MARCHF8: variants seen among roughly 807,000 people sequenced by gnomAD.
The protein encoded by MARCHF8 is membrane associated ring-CH-type finger 8, also known as E3 ubiquitin-protein ligase MARCHF8.
In MARCHF8, 40 loss-of-function variants were observed where a neutral mutation model predicts 51.6. The ratio of observed to expected loss-of-function variants is 0.77; its 90% CI spans 0.60 to 1.01. The LOEUF is 1.01. MARCHF8 is among the 50% of genes least tolerant of loss of function. MARCHF8 has a pLI of 0.00. For synonymous variants in MARCHF8, 263 were observed against 280.3 expected, an observed-to-expected ratio of 0.94 and a Z score of 0.62; for missense variants, 685 against 708.6, an observed-to-expected ratio of 0.97 and a Z score of 0.38.
intron 2 of MARCHF8, among the ~76,000 whole-genome samples, chr10:45,512,672 T>A (rs2043547601): frequency 6.7e-6 from 1 of 149,640 alleles, no homozygotes; most frequent in African/African-American, 2.5e-5. Flanking sequence ...CGGCCGTCCC[T>A]ACTGGGATGT....
intron 2 of MARCHF8, among the ~76,000 whole-genome samples, chr10:45,520,573 G>A (rs749848550): frequency 2.6e-5 from 4 of 152,204 alleles, no homozygotes; most frequent in Non-Finnish European, 4.4e-5. Context: ...TAAAACAGGT[G>A]ACAAGTACAA....
At chr10:45,544,096 T>A (rs960466009) in intron 1 of MARCHF8, among the ~76,000 whole-genome samples, 1 of 151,902 alleles carries the variant, frequency 6.6e-6, no homozygotes, top group African/African-American at 2.4e-5. Context: ...AATGAAGACA[T>A]ATGAATAGCT....
At chr10:45,554,674 C>T (rs1409331186) in intron 1 of MARCHF8, among the ~76,000 whole-genome samples, 3 of 152,156 alleles carry the variant, frequency 2.0e-5, no homozygotes, top group Admixed American at 1.3e-4. Flanking sequence ...AATCTTAGCT[C>T]TTTGGGAGAC....
At chr10:45,504,104 T>C (rs937149725) in intron 2 of MARCHF8, among the ~76,000 whole-genome samples, 3 of 152,158 alleles carry the variant, frequency 2.0e-5, no homozygotes, top group African/African-American at 7.2e-5. Flanking sequence ...TTGGGCACTT[T>C]AAAAGGGTGA....
intron 1 of MARCHF8, among the ~76,000 whole-genome samples, chr10:45,580,459 T>C (rs1196690494): frequency 6.6e-6 from 1 of 152,192 alleles, no homozygotes; most frequent in Non-Finnish European, 1.5e-5. Flanking sequence ...GCTTACATGA[T>C]GGTGCCTGTC....
rs1842583382 is a variant in MARCHF8 at position 45,455,792 on chromosome 10, A to T, written c.*2447T>A. 2 of 152,468 alleles carry T rather than the reference A, an allele frequency of 1.3e-5. No homozygotes were observed. Among genetic ancestry groups the T allele is most frequent in the Non-Finnish European group, 2.9e-5 (2 of 68,222 alleles). 9.4% of individuals were successfully genotyped at this position (152,468 alleles called of 1,614,324 possible). A position where few individuals can be genotyped will look rare whatever the true frequency, so the allele number is the denominator to read the frequency against. ...GCTCTGTGCCCCGCCAGGAGAGGAA[A>T]GAAGAATGTGTGTGGATTGTCCACA... On this transcript the variant is annotated 3_prime_UTR_variant, in exon 8 of 8. Coordinates refer to ENST00000453424, the MANE Select transcript of MARCHF8 (RefSeq NM_001282866.2).
intron 2 of MARCHF8, among the ~76,000 whole-genome samples, chr10:45,512,691 C>T (rs1834296351): frequency 1.3e-5 from 2 of 151,984 alleles, no homozygotes; most frequent in Non-Finnish European, 2.9e-5. Flanking sequence ...GTGAGGAGCC[C>T]CTCTGCCCGG....
chr10:45,538,799 G>A (rs1056500763), upstream of MARCHF8, among the ~76,000 whole-genome samples: 80 of 152,164 alleles, frequency 5.3e-4, no homozygotes, highest in Non-Finnish European at 9.8e-4. Context: ...CAATACAGGA[G>A]CACCCAGATT....
intron 2 of MARCHF8, among the ~76,000 whole-genome samples, chr10:45,528,846 A>T (rs2043833222): frequency 6.6e-6 from 1 of 152,234 alleles, no homozygotes. Flanking sequence ...CACATATGAC[A>T]CAAACATGAT....
Position 45,455,130 on chromosome 10 carries a change from C to T in MARCHF8, c.*3109G>A, listed in dbSNP as rs1935756659. 6.6e-6 allele frequency: 1 copy of T among 152,430 alleles called. No individual in the cohort carries two copies. The highest frequency in any genetic ancestry group is 3.4e-3 in the Middle Eastern group (1 of 294). 9.4% of individuals were successfully genotyped at this position (152,430 alleles called of 1,614,324 possible). On this transcript the variant is annotated 3_prime_UTR_variant, in exon 8 of 8. Coordinates refer to ENST00000453424, the MANE Select transcript of MARCHF8 (RefSeq NM_001282866.2). ...AGCCCCAGATCGTGCAGACATCACC[C>T]GAGGCTCCCAAACTGGCCCAGCTGC...
intron 1 of MARCHF8, among the ~76,000 whole-genome samples, chr10:45,563,240 T>A (rs977024566): frequency 6.6e-6 from 1 of 152,150 alleles, no homozygotes; most frequent in Non-Finnish European, 1.5e-5. Flanking sequence ...TTGTCCAGGC[T>A]GGTCTCAAGC....
chr10:45,525,882 A>C lies in MARCHF8; in HGVS notation c.102+7228T>G, dbSNP rs114166079. Among the ~76,000 whole-genome samples, 1,027 of 152,330 alleles carry C rather than the reference A, an allele frequency of 6.7e-3. 9 individuals are homozygous for C. The highest frequency in any genetic ancestry group is 0.024 in the African/African-American group (978 of 41,568). ...CTGTCAAGGTAATCTAAAACAAGGG[A>C]AGTCTGAGAAACTGTCATAGCCAAG... On this transcript the variant is annotated intron_variant, in intron 2 of 7. Coordinates refer to ENST00000453424, the MANE Select transcript of MARCHF8 (RefSeq NM_001282866.2).
chr10:45,523,630 GT>G (rs1486907079), intron 2 of MARCHF8, among the ~76,000 whole-genome samples: 1 of 152,174 alleles, frequency 6.6e-6, no homozygotes, highest in Non-Finnish European at 1.5e-5. Flanking sequence ...CCACCTAGTT[GT>G]CCAATTCACA....
At chr10:45,553,502 T>C (rs1274694223) in intron 1 of MARCHF8, among the ~76,000 whole-genome samples, 2 of 152,202 alleles carry the variant, frequency 1.3e-5, no homozygotes, top group African/African-American at 2.4e-5. Flanking sequence ...AGTTGTTTTA[T>C]TTAAAACTGA....
intron 2 of MARCHF8, among the ~76,000 whole-genome samples, chr10:45,509,601 A>G (rs927494341): frequency 5.9e-5 from 9 of 152,222 alleles, no homozygotes; most frequent in African/African-American, 2.2e-4. Context: ...ATTCAATCAA[A>G]TATGACTAAA....
At chr10:45,562,545 C>T (rs985332879) in intron 1 of MARCHF8, among the ~76,000 whole-genome samples, 74 of 152,138 alleles carry the variant, frequency 4.9e-4, no homozygotes, top group Non-Finnish European at 1.9e-4. Context: ...AACTATCCTT[C>T]AAGAACAAAG....
intron 2 of MARCHF8, among the ~76,000 whole-genome samples, chr10:45,508,674 G>A (rs149058888): frequency 1.3e-5 from 2 of 152,092 alleles, no homozygotes; most frequent in Middle Eastern, 3.4e-3. Flanking sequence ...CTTTTCACTT[G>A]ATATTCTGGA....
chr10:45,549,866 T>C (rs1164877678), intron 1 of MARCHF8, among the ~76,000 whole-genome samples: 1 of 152,294 alleles, frequency 6.6e-6, no homozygotes. Context: ...AAGAAAGCCC[T>C]CACCAGATGT....
chr10:45,479,839 G>A (rs1483078493), intron 3 of MARCHF8, among the ~76,000 whole-genome samples: 1 of 152,186 alleles, frequency 6.6e-6, no homozygotes, highest in Admixed American at 6.5e-5. Context: ...CCAGTAAGTG[G>A]GGTGCTGCTA....
Sources: gnomAD v4.1 joint callset for allele counts (sites outside exome capture counted in the v4.1 genomes callset) on GRCh38, gnomAD v4.1.1 for gene constraint, MANE v1.5 for transcripts, NCBI Gene and HGNC (gene_info 2026-07-23, HGNC 2026-07-21) for gene names.